ANO10: variants seen among roughly 807,000 people sequenced by gnomAD.
ANO10 encodes the protein anoctamin 10.
A neutral mutation model predicts 74.7 loss-of-function variants in ANO10; 77 were observed. That is an observed-to-expected ratio of 1.03 (90% confidence interval 0.86 to 1.25). The LOEUF is 1.25. Among genes scored for constraint, ANO10 ranks in the 50% most tolerant of loss-of-function variants. The pLI, the probability that ANO10 is intolerant of heterozygous loss-of-function variation, is 0.00. For missense variants in ANO10, 721 were observed against 778.1 expected (o/e 0.93, Z 0.87); for synonymous variants, 279 against 284.9 (o/e 0.98, Z 0.21).
At chr3:43,459,611 C>A (rs111246519) in intron 11 of ANO10, among the ~76,000 whole-genome samples, 93 of 152,240 alleles carry the variant, frequency 6.1e-4, no homozygotes, top group African/African-American at 2.2e-3. Context: ...CTCAGTGGGA[C>A]CCTCCTGAGG....
intron 7 of ANO10, among the ~76,000 whole-genome samples, chr3:43,567,564 T>C (rs2080436374): frequency 6.6e-6 from 1 of 152,002 alleles, no homozygotes; most frequent in African/African-American, 2.4e-5. Flanking sequence ...CAACCCAGAA[T>C]TTCATATCCA....
chr3:43,551,519 C>G (rs1430095866), intron 10 of ANO10: 1 of 457,034 alleles, frequency 2.2e-6, no homozygotes, highest in Non-Finnish European at 4.4e-6. Flanking sequence ...ATTTCCATTT[C>G]CCCCAAAAGA....
At chr3:43,462,170 A>G (rs1013136369) in intron 11 of ANO10, among the ~76,000 whole-genome samples, 2 of 152,158 alleles carry the variant, frequency 1.3e-5, no homozygotes, top group African/African-American at 4.8e-5. Context: ...GGTGGAAGAA[A>G]TTTCTAAGCA....
chr3:43,498,914 T>C (rs1476982415), intron 11 of ANO10, among the ~76,000 whole-genome samples: 1 of 152,202 alleles, frequency 6.6e-6, no homozygotes. Flanking sequence ...TGATCGTTCA[T>C]TGTCAAATGG....
intron 4 of ANO10, among the ~76,000 whole-genome samples, chr3:43,593,520 G>A (rs891691276): frequency 7.2e-5 from 11 of 152,178 alleles, no homozygotes; most frequent in African/African-American, 1.9e-4. Context: ...AGCTTCATAA[G>A]TGAAGGACAA....
intron 1 of ANO10, among the ~76,000 whole-genome samples, chr3:43,633,620 C>A (rs1228419185): frequency 6.6e-6 from 1 of 152,168 alleles, no homozygotes; most frequent in Non-Finnish European, 1.5e-5. Flanking sequence ...GATATTTTAA[C>A]TATCAGATTC....
chr3:43,690,895 C>A (rs886058486), intron 1 of ANO10: 7 of 1,332,534 alleles, frequency 5.3e-6, no homozygotes, highest in South Asian at 4.5e-5. Context: ...CATGCGCTGG[C>A]GGCCTGCGCC....
chr3:43,606,540 A>C (rs570899564), intron 1 of ANO10, among the ~76,000 whole-genome samples: 42 of 152,256 alleles, frequency 2.8e-4, no homozygotes, highest in African/African-American at 1.0e-3. Flanking sequence ...GGGGCCATTA[A>C]AGGAGTCTAG....
chr3:43,426,573 G>A (rs945761669), intron 12 of ANO10, among the ~76,000 whole-genome samples: 3 of 152,160 alleles, frequency 2.0e-5, no homozygotes, highest in African/African-American at 7.2e-5. Context: ...TGTGTTCTGG[G>A]CTCCCAGGAG....
At chr3:43,629,840 G>T (rs1012176413) in intron 1 of ANO10, among the ~76,000 whole-genome samples, 4 of 152,130 alleles carry the variant, frequency 2.6e-5, no homozygotes, top group Non-Finnish European at 5.9e-5. Flanking sequence ...CAGTAAATAG[G>T]CCTCTGACAT....
intron 11 of ANO10, among the ~76,000 whole-genome samples, chr3:43,458,712 A>G (rs145682061): frequency 0.04 from 6,017 of 152,206 alleles, 166 homozygotes; most frequent in Non-Finnish European, 0.059. Flanking sequence ...ATATAGGTAT[A>G]CATGTGCCAT....
At chr3:43,566,664 T>C (rs550549895) in intron 7 of ANO10, among the ~76,000 whole-genome samples, 24 of 152,286 alleles carry the variant, frequency 1.6e-4, no homozygotes, top group African/African-American at 4.6e-4. Flanking sequence ...AGAAAGGACA[T>C]CCACACCAAA....
chr3:43,494,543 A>G (rs1175742652), intron 11 of ANO10, among the ~76,000 whole-genome samples: 2 of 152,228 alleles, frequency 1.3e-5, no homozygotes, highest in African/African-American at 4.8e-5. Flanking sequence ...AGCTATGAGT[A>G]TGAACCCAAG....
intron 12 of ANO10, among the ~76,000 whole-genome samples, chr3:43,403,734 C>A (rs1224586253): frequency 6.6e-6 from 1 of 152,204 alleles, no homozygotes; most frequent in East Asian, 1.9e-4. Context: ...GGTCAGCTTA[C>A]CTATAAGCTT....
chr3:43,425,674 C>A (rs2092888855), intron 12 of ANO10, among the ~76,000 whole-genome samples: 2 of 152,108 alleles, frequency 1.3e-5, no homozygotes, highest in African/African-American at 4.8e-5. Context: ...AAAACAGACC[C>A]TTTGTGGCAG....
chr3:43,532,812 T>A (rs2078533078), intron 11 of ANO10, among the ~76,000 whole-genome samples: 2 of 152,160 alleles, frequency 1.3e-5, no homozygotes, highest in Non-Finnish European at 2.9e-5. Context: ...CATCTAGGAA[T>A]CTCCAACCCA....
chr3:43,442,285 C>T (rs1016022995), intron 11 of ANO10, among the ~76,000 whole-genome samples: 4 of 152,072 alleles, frequency 2.6e-5, no homozygotes, highest in Admixed American at 6.6e-5. Context: ...ATTCTACACA[C>T]ATACACACAC....
chr3:43,390,532 CT>C (rs1206973350), intron 12 of ANO10, among the ~76,000 whole-genome samples: 2 of 152,144 alleles, frequency 1.3e-5, no homozygotes, highest in African/African-American at 4.8e-5. Flanking sequence ...TCTATGAAGC[CT>C]CCTTAGCCCG....
chr3:43,495,712 T>C (rs941056244), intron 11 of ANO10, among the ~76,000 whole-genome samples: 1 of 152,078 alleles, frequency 6.6e-6, no homozygotes, highest in African/African-American at 2.4e-5. Flanking sequence ...AAAAATTTTT[T>C]TTTTTTGAGA....
Sources: allele counts gnomAD v4.1 joint callset (sites outside exome capture counted in the v4.1 genomes callset), GRCh38; gene constraint gnomAD v4.1.1; transcripts MANE v1.5; gene names NCBI Gene and HGNC (gene_info 2026-07-23, HGNC 2026-07-21).